Variants in FARSB observed in about 807,000 individuals in gnomAD.
FARSB encodes phenylalanine--tRNA ligase beta subunit.
FARSB carries 40 observed loss-of-function variants against 69.6 expected under a neutral mutation model. The observed-to-expected ratio is 0.57, with a 90% CI of 0.45 to 0.75. The LOEUF is 0.75. Among genes scored for constraint, FARSB ranks in the 30% least tolerant of loss-of-function variants. FARSB has a pLI of 0.00. For synonymous variants in FARSB, 235 were observed against 247.2 expected, an observed-to-expected ratio of 0.95 and a Z score of 0.46; for missense variants, 632 against 722.9, an observed-to-expected ratio of 0.87 and a Z score of 1.44.
In FARSB at chr2:222,567,158, C is replaced by G. The variant is rs1485234776; in HGVS notation, c.*4713G>C. 1 of 152,246 alleles carries G rather than the reference C, an allele frequency of 6.6e-6. No individual in the cohort carries two copies. Among genetic ancestry groups the G allele is most frequent in the East Asian group, 1.9e-4 (1 of 5,198 alleles). 9.4% of individuals were successfully genotyped at this position (152,246 alleles called of 1,614,324 possible). Reference sequence around the variant, plus strand: ...TCTCATGACCTCATCTAGCTCTAATCACCTGCCAAAGGCCTCATCTCCAAA... The same window carrying G: ...TCTCATGACCTCATCTAGCTCTAATGACCTGCCAAAGGCCTCATCTCCAAA... On this transcript the variant is annotated 3_prime_UTR_variant, in exon 17 of 17. Transcript: ENST00000281828.
At chr2:222,609,782 G>A (rs1379225240) in intron 15 of FARSB, among the ~76,000 whole-genome samples, 1 of 152,134 alleles carries the variant, frequency 6.6e-6, no homozygotes, top group Non-Finnish European at 1.5e-5. Flanking sequence ...ATAAGAAACT[G>A]TCCAACGAGG....
intron 1 of FARSB, among the ~76,000 whole-genome samples, chr2:222,653,773 C>T (rs1350431410): frequency 1.3e-5 from 2 of 151,876 alleles, no homozygotes; most frequent in African/African-American, 4.8e-5. Context: ...TGGGACTACA[C>T]GTATACACCA....
At chr2:222,578,579 C>A (rs1304112904) in intron 16 of FARSB, among the ~76,000 whole-genome samples, 1 of 152,230 alleles carries the variant, frequency 6.6e-6, no homozygotes, top group Non-Finnish European at 1.5e-5. Flanking sequence ...GTGGCTCACG[C>A]CTGTAATCCC....
intron 3 of FARSB, among the ~76,000 whole-genome samples, chr2:222,642,140 A>C (rs895475658): frequency 2.6e-5 from 4 of 151,990 alleles, no homozygotes; most frequent in African/African-American, 7.3e-5. Flanking sequence ...AGCTGGGATT[A>C]CAGGTGCACG....
chr2:222,623,965 C>T (rs926367681), intron 12 of FARSB, among the ~76,000 whole-genome samples: 2 of 152,180 alleles, frequency 1.3e-5, no homozygotes, highest in African/African-American at 4.8e-5. Context: ...AAACCACCCC[C>T]ACTTCCATCT....
chr2:222,654,941 G>A (rs1034634571), intron 1 of FARSB, among the ~76,000 whole-genome samples: 2 of 152,332 alleles, frequency 1.3e-5, no homozygotes, highest in Non-Finnish European at 2.9e-5. Flanking sequence ...GCTCACGCCT[G>A]TAATCCCAGC....
intron 14 of FARSB, among the ~76,000 whole-genome samples, chr2:222,617,819 G>T (rs12612432): frequency 0.28 from 42,567 of 152,126 alleles, 7,138 homozygotes; most frequent in Non-Finnish European, 0.38. Flanking sequence ...AGAGGCGGAG[G>T]TTGCAGTGAG....
intron 10 of FARSB, among the ~76,000 whole-genome samples, chr2:222,626,079 T>C (rs1231474714): frequency 6.6e-6 from 1 of 151,740 alleles, no homozygotes; most frequent in Admixed American, 6.6e-5. Context: ...AAACCCCATC[T>C]CTACTAAAAA....
chr2:222,574,052 T>G (rs371160540), intron 16 of FARSB, among the ~76,000 whole-genome samples: 1 of 152,236 alleles, frequency 6.6e-6, no homozygotes, highest in Non-Finnish European at 1.5e-5. Context: ...AACCAAACTA[T>G]TTTGGAATCT....
chr2:222,627,806 T>C (rs1478166422), intron 10 of FARSB, among the ~76,000 whole-genome samples: 1 of 152,216 alleles, frequency 6.6e-6, no homozygotes, highest in Admixed American at 6.5e-5. Context: ...TCATCTACTG[T>C]AAAAGCTATT....
intron 16 of FARSB, among the ~76,000 whole-genome samples, chr2:222,594,092 A>AC (rs1335389113): frequency 1.6e-5 from 2 of 122,612 alleles, no homozygotes; most frequent in Non-Finnish European, 3.5e-5. Flanking sequence ...ACCCGCCTCT[A>AC]CAAAAAAAAA....
chr2:222,605,173 C>CTCTCTG (rs2106202379), intron 15 of FARSB, among the ~76,000 whole-genome samples: 1 of 151,848 alleles, frequency 6.6e-6, no homozygotes, highest in African/African-American at 2.4e-5. Flanking sequence ...CTCTCTCTCT[C>CTCTCTG]TCTCTCTCTC....
At chr2:222,613,555 T>A (rs949875348) in intron 15 of FARSB, among the ~76,000 whole-genome samples, 18 of 151,874 alleles carry the variant, frequency 1.2e-4, no homozygotes, top group African/African-American at 3.4e-4. Flanking sequence ...AGGAAAAAAA[T>A]AAATAAATAA....
intron 16 of FARSB, among the ~76,000 whole-genome samples, chr2:222,579,824 G>C (rs1689923803): frequency 6.6e-6 from 1 of 152,182 alleles, no homozygotes; most frequent in South Asian, 2.1e-4. Context: ...ATAGACCTAA[G>C]ATCTACTCCA....
intron 15 of FARSB, among the ~76,000 whole-genome samples, chr2:222,607,879 T>C (rs1214556901): frequency 1.3e-5 from 2 of 152,040 alleles, no homozygotes; most frequent in African/African-American, 4.8e-5. Flanking sequence ...TCTATGACCT[T>C]CTCAACGCAT....
rs1467395001 is a variant in FARSB at position 222,569,241 on chromosome 2, TG to T, written c.*2629del. 1 of 152,220 alleles carries T rather than the reference TG, an allele frequency of 6.6e-6. No homozygotes were observed. Among genetic ancestry groups the T allele is most frequent in the African/African-American group, 2.4e-5 (1 of 41,454 alleles). 9.4% of individuals were successfully genotyped at this position (152,220 alleles called of 1,614,324 possible). A position where few individuals can be genotyped will look rare whatever the true frequency, so the allele number is the denominator to read the frequency against. On this transcript the variant is annotated 3_prime_UTR_variant, in exon 17 of 17. Coordinates refer to ENST00000281828, the MANE Select transcript of FARSB (RefSeq NM_005687.5). The stretch of plus-strand genomic sequence containing the variant: ...GCTGGGATATACAATTAGGCATTAG[TG>T]GGTTTTTCATTACAAGTAATTTTGG...
chr2:222,609,630 G>A (rs971950587), intron 15 of FARSB, among the ~76,000 whole-genome samples: 5 of 152,146 alleles, frequency 3.3e-5, no homozygotes, highest in African/African-American at 9.7e-5. Context: ...TGCAGTGGTT[G>A]GCTCAGCCTC....
intron 16 of FARSB, among the ~76,000 whole-genome samples, chr2:222,577,240 G>A (rs945544089): frequency 6.6e-6 from 1 of 152,078 alleles, no homozygotes; most frequent in Non-Finnish European, 1.5e-5. Flanking sequence ...ATTTCCAACT[G>A]GTAATATAAA....
Position 222,567,542 on chromosome 2 carries a change from GGGCAGTGGTTA to G in FARSB, c.*4318_*4328del, listed in dbSNP as rs1354062087. The stretch of plus-strand genomic sequence containing the variant: ...ATGAGCCCATCATTGCTGAGAGCAG[GGGCAGTGGTTA>G]GGCTGGCTGGTTTGTAGTAGATTAC... On this transcript the variant is annotated 3_prime_UTR_variant, in exon 17 of 17. Transcript: ENST00000281828. 6.6e-6 allele frequency: 1 copy of G among 152,184 alleles called. No individual in the cohort carries two copies. Among genetic ancestry groups the G allele is most frequent in the Non-Finnish European group, 1.5e-5 (1 of 68,028 alleles). 9.4% of individuals were successfully genotyped at this position (152,184 alleles called of 1,614,324 possible).
Sources: gnomAD v4.1 joint callset for allele counts (sites outside exome capture counted in the v4.1 genomes callset) on GRCh38, gnomAD v4.1.1 for gene constraint, MANE v1.5 for transcripts, NCBI Gene and HGNC (gene_info 2026-07-23, HGNC 2026-07-21) for gene names.